Variants in RALYL observed in about 807,000 individuals in gnomAD.
The protein encoded by RALYL is RNA-binding Raly-like protein.
Under a neutral mutation model 35.1 loss-of-function variants are expected in RALYL, and 29 were observed. That is an observed-to-expected ratio of 0.83 (90% confidence interval 0.61 to 1.13). The LOEUF is 1.13. Among genes scored for constraint, RALYL ranks in the 50% most tolerant of loss-of-function variants. The probability of loss-of-function intolerance (pLI) is 0.00; values close to 1 mark genes in which losing one functional copy is unlikely to be tolerated. For missense variants in RALYL, 359 were observed against 360.4 expected (o/e 1.00, Z 0.03); for synonymous variants, 120 against 127.6 (o/e 0.94, Z 0.40).
intron 1 of RALYL, chr8:84,184,885 G>T: frequency 5.5e-6 from 7 of 1,276,498 alleles, no homozygotes; most frequent in Non-Finnish European, 8.0e-6. Context: ...GGCAGAGACC[G>T]CATATTCCGG....
intron 2 of RALYL, among the ~76,000 whole-genome samples, chr8:84,721,466 ATTATT>A (rs1843900352): frequency 6.6e-6 from 1 of 152,118 alleles, no homozygotes; most frequent in South Asian, 2.1e-4. Context: ...AAGCTTCCAG[ATTATT>A]TTATCATTTT....
chr8:84,223,604 A>G (rs1470233560), intron 1 of RALYL, among the ~76,000 whole-genome samples: 1 of 152,210 alleles, frequency 6.6e-6, no homozygotes, highest in Non-Finnish European at 1.5e-5. Context: ...TACACAATGC[A>G]GCATTTTCTC....
intron 1 of RALYL, among the ~76,000 whole-genome samples, chr8:84,417,877 C>A (rs2044908918): frequency 6.6e-6 from 1 of 152,210 alleles, no homozygotes; most frequent in African/African-American, 2.4e-5. Flanking sequence ...TATTGATAGT[C>A]TCAAGGCTTC....
In RALYL at chr8:84,616,854, T is replaced by G. The variant is rs1396261839; in HGVS notation, c.256+87277T>G. 7.9e-5 allele frequency among the ~76,000 whole-genome samples: 12 copies of G among 151,868 alleles called. No homozygotes were observed. In the East Asian group the frequency reaches 2.1e-3, roughly 27 times the overall value. On this transcript the variant is annotated intron_variant, in intron 2 of 8. Transcript: ENST00000521268. The stretch of plus-strand genomic sequence containing the variant: ...CACCATTTATTAAGTAGGGAATCCT[T>G]TCCCCATTGCTTGTTTTTCTCAGGT...
At chr8:84,736,615 G>A (rs760180951) in intron 2 of RALYL, among the ~76,000 whole-genome samples, 3 of 152,028 alleles carry the variant, frequency 2.0e-5, no homozygotes, top group South Asian at 2.1e-4. Flanking sequence ...TAAACAGTTC[G>A]ATGTCCATTG....
chr8:84,697,673 T>C (rs2132259463), intron 2 of RALYL, among the ~76,000 whole-genome samples: 1 of 152,174 alleles, frequency 6.6e-6, no homozygotes, highest in East Asian at 1.9e-4. Context: ...GCTGTACAGA[T>C]TATTTCATCA....
Position 84,268,700 on chromosome 8 carries a change from AG to A in RALYL, c.-24+84277del, listed in dbSNP as rs1334865355. 5.3e-5 allele frequency among the ~76,000 whole-genome samples: 8 copies of A among 152,284 alleles called. No homozygotes were observed. The East Asian group carries it at 1.2e-3, about 22-fold the overall frequency. ...TTTAGGGTTACTCCTTTCTACTGAG[AG>A]TGATTGTTTTATCTAGTCCATTCAA... On this transcript the variant is annotated intron_variant, in intron 1 of 8. Coordinates refer to ENST00000521268, the MANE Select transcript of RALYL (RefSeq NM_173848.7).
At chr8:84,675,136 G>A (rs1418028386) in intron 2 of RALYL, among the ~76,000 whole-genome samples, 4 of 152,008 alleles carry the variant, frequency 2.6e-5, no homozygotes, top group African/African-American at 4.8e-5. Context: ...ATTCCATGCT[G>A]TTTGAGAAAT....
intron 1 of RALYL, among the ~76,000 whole-genome samples, chr8:84,311,053 C>CAAAAAAAAA (rs34029529): frequency 0.011 from 102 of 9,528 alleles, 23 homozygotes; most frequent in African/African-American, 0.017. Flanking sequence ...GACTCCGTCT[C>CAAAAAAAAA]AAAAAAAAAA....
At chr8:84,392,577 A>G (rs1586813667) in intron 1 of RALYL, among the ~76,000 whole-genome samples, 1 of 152,056 alleles carries the variant, frequency 6.6e-6, no homozygotes, top group East Asian at 1.9e-4. Flanking sequence ...AGCTATAGTG[A>G]GAGAAAGCTG....
intron 7 of RALYL, among the ~76,000 whole-genome samples, chr8:84,882,819 T>A (rs1842394163): frequency 8.9e-6 from 1 of 112,286 alleles, no homozygotes; most frequent in Non-Finnish European, 1.7e-5. Flanking sequence ...TAAAGAGAAT[T>A]GTATAAAGAA....
intron 1 of RALYL, among the ~76,000 whole-genome samples, chr8:84,504,695 A>ACG (rs2057009982): frequency 1.3e-5 from 2 of 152,158 alleles, no homozygotes; most frequent in African/African-American, 4.8e-5. Context: ...TTGTTAAGTA[A>ACG]TGTAAGCAAG....
At chr8:84,739,289 T>G (rs571020989) in intron 2 of RALYL, among the ~76,000 whole-genome samples, 4 of 151,860 alleles carry the variant, frequency 2.6e-5, no homozygotes, top group Non-Finnish European at 5.9e-5. Context: ...TCACATCGTA[T>G]AATCACTGGA....
intron 5 of RALYL, among the ~76,000 whole-genome samples, chr8:84,852,245 T>C (rs1006798242): frequency 6.6e-6 from 1 of 152,174 alleles, no homozygotes; most frequent in African/African-American, 2.4e-5. Context: ...AACTACTGAA[T>C]TAAGCAACTT....
At chr8:84,196,776 T>C (rs1815404726) in intron 1 of RALYL, among the ~76,000 whole-genome samples, 1 of 152,228 alleles carries the variant, frequency 6.6e-6, no homozygotes, top group Admixed American at 6.5e-5. Flanking sequence ...CAATTTCAGC[T>C]TTCACTTTTT....
chr8:84,363,226 A>G (rs886877180), intron 1 of RALYL, among the ~76,000 whole-genome samples: 1 of 152,190 alleles, frequency 6.6e-6, no homozygotes, highest in Non-Finnish European at 1.5e-5. Context: ...ACTGGAAGCC[A>G]TGTCTGTGTC....
chr8:84,754,620 C>T (rs1810937508), intron 2 of RALYL, among the ~76,000 whole-genome samples: 1 of 152,188 alleles, frequency 6.6e-6, no homozygotes, highest in African/African-American at 2.4e-5. Context: ...AGGATGTTCA[C>T]CAGTTGGGTA....
At chr8:84,574,117 C>A (rs933069812) in intron 2 of RALYL, among the ~76,000 whole-genome samples, 2 of 152,016 alleles carry the variant, frequency 1.3e-5, no homozygotes, top group African/African-American at 2.4e-5. Flanking sequence ...ATCTGACAAG[C>A]AACTAAAGTT....
At chr8:84,485,193 T>C (rs1284569935) in intron 1 of RALYL, among the ~76,000 whole-genome samples, 1 of 152,144 alleles carries the variant, frequency 6.6e-6, no homozygotes, top group Non-Finnish European at 1.5e-5. Context: ...GAGTTTTATT[T>C]TTCTTTATAT....
Sources: gnomAD v4.1 joint callset for allele counts (sites outside exome capture counted in the v4.1 genomes callset) on GRCh38, gnomAD v4.1.1 for gene constraint, MANE v1.5 for transcripts, NCBI Gene and HGNC (gene_info 2026-07-23, HGNC 2026-07-21) for gene names.